Variants in ADAMTS17 observed in about 807,000 individuals in gnomAD.
ADAMTS17 encodes A disintegrin and metalloproteinase with thrombospondin motifs 17.
A neutral mutation model predicts 141.5 loss-of-function variants in ADAMTS17; 113 were observed. The observed-to-expected ratio is 0.80, with a 90% confidence interval of 0.69 to 0.93. ADAMTS17 has a LOEUF of 0.93. Ranked by LOEUF, ADAMTS17 falls within the 40% of genes least tolerant of loss-of-function variation. The pLI is 0.00. For synonymous variants in ADAMTS17, 768 were observed against 630.6 expected, an observed-to-expected ratio of 1.22 and a Z score of -3.27; for missense variants, 1,659 against 1,517.9, an observed-to-expected ratio of 1.09 and a Z score of -1.54.
intron 7 of ADAMTS17, among the ~76,000 whole-genome samples, chr15:100,223,420 C>T (rs1028524072): frequency 8.5e-5 from 13 of 152,084 alleles, no homozygotes; most frequent in African/African-American, 3.1e-4. Context: ...TAGTTTGCTA[C>T]TTCTGCATGA....
intron 10 of ADAMTS17, among the ~76,000 whole-genome samples, chr15:100,152,225 A>T (rs1158703342): frequency 6.6e-6 from 1 of 152,184 alleles, no homozygotes; most frequent in Non-Finnish European, 1.5e-5. Context: ...CAGTGTTTGA[A>T]GTCAGGCGAC....
At chr15:100,111,716 G>C (rs138795937) in intron 13 of ADAMTS17, among the ~76,000 whole-genome samples, 123 of 152,378 alleles carry the variant, frequency 8.1e-4, no homozygotes, top group African/African-American at 2.8e-3. Flanking sequence ...TTGCTCAACA[G>C]CTGCAGTAGT....
chr15:100,330,166 G>C (rs956861559), intron 3 of ADAMTS17, among the ~76,000 whole-genome samples: 15 of 152,140 alleles, frequency 9.9e-5, no homozygotes, highest in African/African-American at 3.6e-4. Flanking sequence ...CAGAGTATAA[G>C]AGCCCCAGGT....
At chr15:100,229,666 G>C (rs1435173424) in intron 7 of ADAMTS17, among the ~76,000 whole-genome samples, 1 of 152,124 alleles carries the variant, frequency 6.6e-6, no homozygotes, top group Non-Finnish European at 1.5e-5. Context: ...ACCACTCAAA[G>C]GTCACATGAT....
chr15:100,268,488 T>G (rs529272574), intron 4 of ADAMTS17, among the ~76,000 whole-genome samples: 1 of 152,334 alleles, frequency 6.6e-6, no homozygotes, highest in South Asian at 2.1e-4. Context: ...TAATGACCAT[T>G]CTCACTGGTG....
At chr15:100,315,902 G>A (rs977166683) in intron 3 of ADAMTS17, among the ~76,000 whole-genome samples, 58 of 152,358 alleles carry the variant, frequency 3.8e-4, no homozygotes, top group Admixed American at 3.0e-3. Flanking sequence ...GGGGCAGAGG[G>A]TGTCCCTCCA....
intron 12 of ADAMTS17, among the ~76,000 whole-genome samples, chr15:100,123,817 G>A (rs1340487962): frequency 6.6e-6 from 1 of 152,200 alleles, no homozygotes; most frequent in Admixed American, 6.5e-5. Flanking sequence ...AGGAACAGGC[G>A]CCCTGCCCCT....
chr15:100,126,430 G>A (rs1489583938), intron 12 of ADAMTS17: 1 of 152,234 alleles, frequency 6.6e-6, no homozygotes, highest in African/African-American at 2.4e-5. Context: ...TTCTCTTACT[G>A]GGGAAAAACA....
At chr15:100,333,607 A>G (rs950576382) in intron 2 of ADAMTS17, among the ~76,000 whole-genome samples, 2 of 152,188 alleles carry the variant, frequency 1.3e-5, no homozygotes, top group East Asian at 3.9e-4. Flanking sequence ...TTGGATTTGG[A>G]ACCTGGGACT....
At chr15:100,215,105 AC>A (rs1340520299) in intron 7 of ADAMTS17, among the ~76,000 whole-genome samples, 1 of 152,224 alleles carries the variant, frequency 6.6e-6, no homozygotes, top group East Asian at 1.9e-4. Flanking sequence ...TGACCCCTGC[AC>A]TGTGCCTGGC....
intron 8 of ADAMTS17, among the ~76,000 whole-genome samples, chr15:100,192,586 T>G (rs760622529): frequency 3.3e-5 from 5 of 152,224 alleles, no homozygotes; most frequent in African/African-American, 1.2e-4. Flanking sequence ...GGTGGAGCAC[T>G]CAGGCCAAAC....
chr15:100,125,933 G>A (rs1214500554), intron 12 of ADAMTS17, among the ~76,000 whole-genome samples: 1 of 152,110 alleles, frequency 6.6e-6, no homozygotes, highest in Non-Finnish European at 1.5e-5. Flanking sequence ...TAAAGTGAAG[G>A]GGGTGAGAAG....
chr15:100,205,867 G>A (rs2041528531), intron 7 of ADAMTS17, among the ~76,000 whole-genome samples: 1 of 152,202 alleles, frequency 6.6e-6, no homozygotes, highest in African/African-American at 2.4e-5. Context: ...GGCCTGAAGG[G>A]TGGGCGCCGC....
chr15:100,045,464 C>T (rs2031611700), intron 18 of ADAMTS17, among the ~76,000 whole-genome samples: 1 of 152,114 alleles, frequency 6.6e-6, no homozygotes, highest in Admixed American at 6.6e-5. Flanking sequence ...AATAAAACTC[C>T]AGGCACTGTC....
intron 20 of ADAMTS17, among the ~76,000 whole-genome samples, chr15:99,990,150 C>T (rs2060662664): frequency 6.6e-6 from 1 of 152,224 alleles, no homozygotes; most frequent in Non-Finnish European, 1.5e-5. Flanking sequence ...ATCCTCCCGC[C>T]TCAGCCTCCT....
intron 18 of ADAMTS17, among the ~76,000 whole-genome samples, chr15:100,019,565 T>G (rs1055555489): frequency 1.1e-4 from 16 of 152,190 alleles, no homozygotes; most frequent in Non-Finnish European, 1.9e-4. Flanking sequence ...ACTGAACATG[T>G]GCTACCCGGT....
intron 3 of ADAMTS17, among the ~76,000 whole-genome samples, chr15:100,294,570 TGGTGGCACGTGCTTGTAGTCCC>T (rs1340259014): frequency 6.8e-6 from 1 of 147,186 alleles, no homozygotes; most frequent in African/African-American, 2.5e-5. Context: ...AAGCTGGGGA[TGGTGGCACGTGCTTGTAGTCCC>T]GGCGACTCAG....
chr15:100,314,586 T>G (rs150153808), intron 3 of ADAMTS17, among the ~76,000 whole-genome samples: 274 of 152,214 alleles, frequency 1.8e-3, no homozygotes, highest in African/African-American at 6.3e-3. Context: ...GCTACTACAG[T>G]ATACCAAAAT....
chr15:100,138,653 T>C (rs1185969249), intron 10 of ADAMTS17, among the ~76,000 whole-genome samples: 6 of 152,084 alleles, frequency 3.9e-5, no homozygotes, highest in Non-Finnish European at 7.4e-5. Context: ...AAGTGAGAAA[T>C]ACTGATGTAT....
Sources: allele counts gnomAD v4.1 joint callset (sites outside exome capture counted in the v4.1 genomes callset), GRCh38; gene constraint gnomAD v4.1.1; transcripts MANE v1.5; gene names NCBI Gene and HGNC (gene_info 2026-07-23, HGNC 2026-07-21).